Variants in CFAP210 observed in about 807,000 individuals in gnomAD.
The protein encoded by CFAP210 is cilia- and flagella- associated protein 210.
chr2:169,656,620 A>C, the CFAP210 span, among the ~76,000 whole-genome samples: 3 of 152,170 alleles, frequency 2.0e-5, no homozygotes, highest in African/African-American at 7.2e-5. Context: ...TCCAGCAGCT[A>C]TTCAGGGCCA....
chr2:169,660,669 T>G, the CFAP210 span, among the ~76,000 whole-genome samples: 1 of 151,356 alleles, frequency 6.6e-6, no homozygotes, highest in African/African-American at 2.4e-5. Context: ...AGTGGCACGA[T>G]CTTGACTCAC....
the CFAP210 span, among the ~76,000 whole-genome samples, chr2:169,689,953 A>G: frequency 6.6e-6 from 1 of 152,008 alleles, no homozygotes. Context: ...GTATATAATA[A>G]TTTTTTATAT....
the CFAP210 span, among the ~76,000 whole-genome samples, chr2:169,679,776 A>C: frequency 2.0e-5 from 3 of 152,082 alleles, no homozygotes; most frequent in African/African-American, 7.2e-5. Context: ...ATAAGTGAGA[A>C]CATGCAGTAT....
the CFAP210 span, among the ~76,000 whole-genome samples, chr2:169,646,567 C>T: frequency 6.6e-6 from 1 of 152,208 alleles, no homozygotes; most frequent in South Asian, 2.1e-4. Context: ...ATTCACTCAA[C>T]TCTACTGTGC....
the CFAP210 span, chr2:169,681,207 C>A: frequency 3.1e-6 from 5 of 1,612,596 alleles, no homozygotes; most frequent in East Asian, 8.9e-5. Context: ...AGATAGAGAA[C>A]TTGATCTTCT....
the CFAP210 span, among the ~76,000 whole-genome samples, chr2:169,663,964 G>A: frequency 5.3e-5 from 8 of 151,330 alleles, no homozygotes; most frequent in Admixed American, 2.6e-4. Context: ...CAAGGCGGGC[G>A]GATCACCTGA....
the CFAP210 span, chr2:169,660,959 C>A: frequency 2.1e-6 from 1 of 476,364 alleles, no homozygotes; most frequent in South Asian, 1.6e-5. Context: ...TAGCTGAAAT[C>A]ATTCTGTATA....
At chr2:169,651,948 G>A in the CFAP210 span, among the ~76,000 whole-genome samples, 1 of 151,300 alleles carries the variant, frequency 6.6e-6, no homozygotes, top group East Asian at 2.0e-4. Context: ...CTGGCCTCAA[G>A]CAATCCTCCT....
At chr2:169,668,019 A>G in the CFAP210 span, among the ~76,000 whole-genome samples, 1 of 152,192 alleles carries the variant, frequency 6.6e-6, no homozygotes, top group African/African-American at 2.4e-5. Context: ...AAAGTCCTAG[A>G]TGGCATTTTC....
the CFAP210 span, chr2:169,650,600 T>C: frequency 7.4e-7 from 1 of 1,351,344 alleles, no homozygotes; most frequent in Non-Finnish European, 9.5e-7. Context: ...TTAGGGAATC[T>C]GAGATATTTT....
chr2:169,681,415 G>T, the CFAP210 span: 1 of 637,528 alleles, frequency 1.6e-6, no homozygotes, highest in Non-Finnish European at 2.8e-6. Flanking sequence ...GAAATCAGAA[G>T]GCATATATTT....
chr2:169,651,175 C>T, the CFAP210 span, among the ~76,000 whole-genome samples: 1 of 143,704 alleles, frequency 7.0e-6, no homozygotes, highest in Non-Finnish European at 1.5e-5. Context: ...TGCAGTCAGC[C>T]GAGATCACAC....
the CFAP210 span, among the ~76,000 whole-genome samples, chr2:169,663,591 A>C: frequency 2.6e-5 from 4 of 152,080 alleles, no homozygotes; most frequent in Non-Finnish European, 5.9e-5. Flanking sequence ...CCCTTCCCCT[A>C]TGCCATGGAG....
the CFAP210 span, chr2:169,694,356 T>G: frequency 1.4e-4 from 230 of 1,610,146 alleles, no homozygotes; most frequent in South Asian, 2.5e-3. Context: ...AAAGTGACTG[T>G]GGCGCCAAGC....
chr2:169,651,056 G>A, the CFAP210 span, among the ~76,000 whole-genome samples: 1 of 151,642 alleles, frequency 6.6e-6, no homozygotes, highest in East Asian at 2.0e-4. Flanking sequence ...GTGAAACCCT[G>A]TCTCCACTAA....
At chr2:169,665,714 G>A in the CFAP210 span, among the ~76,000 whole-genome samples, 1 of 152,216 alleles carries the variant, frequency 6.6e-6, no homozygotes, top group Non-Finnish European at 1.5e-5. Flanking sequence ...TGTATGCTGA[G>A]GAGGGCTTTG....
At chr2:169,656,964 CAAAAA>C in the CFAP210 span, among the ~76,000 whole-genome samples, 3 of 40,338 alleles carry the variant, frequency 7.4e-5, no homozygotes, top group Non-Finnish European at 1.2e-4. Context: ...GACTCCATCT[CAAAAA>C]AAAAAAAAAA....
At chr2:169,650,734 C>CTGTGTGTGTGTGTGTG in the CFAP210 span, among the ~76,000 whole-genome samples, 933 of 147,200 alleles carry the variant, frequency 6.3e-3, 6 homozygotes, top group African/African-American at 0.011. Flanking sequence ...TATGTATAAT[C>CTGTGTGTGTGTGTGTG]TGTGTGTGTG....
the CFAP210 span, among the ~76,000 whole-genome samples, chr2:169,671,712 C>T: frequency 6.6e-6 from 1 of 152,168 alleles, no homozygotes; most frequent in South Asian, 2.1e-4. Flanking sequence ...TCAAGTGATC[C>T]ACCCACCTCG....
Sources: gnomAD v4.1 joint callset for allele counts (sites outside exome capture counted in the v4.1 genomes callset) on GRCh38, gnomAD v4.1.1 for gene constraint, MANE v1.5 for transcripts, NCBI Gene and HGNC (gene_info 2026-07-23, HGNC 2026-07-21) for gene names.